MAK: variants seen among roughly 807,000 people sequenced by gnomAD.
The protein encoded by MAK is serine/threonine-protein kinase MAK.
Under a neutral mutation model 82.6 loss-of-function variants are expected in MAK, and 65 were observed. The observed-to-expected ratio is 0.79, with a 90% CI of 0.64 to 0.97. The LOEUF (loss-of-function observed/expected upper bound fraction) is 0.97. Among genes scored for constraint, MAK ranks in the 50% least tolerant of loss-of-function variants. The pLI, the probability that MAK is intolerant of heterozygous loss-of-function variation, is 0.00. For synonymous variants in MAK, 250 were observed against 274.2 expected (o/e 0.91, Z 0.87); for missense variants, 703 against 780.2 (o/e 0.90, Z 1.18).
intron 8 of MAK, chr6:10,797,599 T>A: frequency 2.0e-6 from 2 of 985,436 alleles, no homozygotes; most frequent in African/African-American, 1.7e-5. Context: ...AAAAATTCCC[T>A]TATTGGCATC....
intron 7 of MAK, among the ~76,000 whole-genome samples, chr6:10,803,060 C>T (rs1351898264): frequency 6.6e-6 from 1 of 152,166 alleles, no homozygotes; most frequent in Non-Finnish European, 1.5e-5. Context: ...TGGCCAGCCA[C>T]AGAATGAGCA....
intron 8 of MAK, chr6:10,797,907 G>A (rs1412195663): frequency 2.4e-6 from 3 of 1,269,172 alleles, no homozygotes; most frequent in Non-Finnish European, 3.1e-6. Flanking sequence ...AGTTTGTTAA[G>A]GGTTACTTGC....
chr6:10,796,426 AT>A, intron 8 of MAK, 117 bp from the exon 9 acceptor site: 1 of 803,176 alleles, frequency 1.2e-6, no homozygotes, highest in African/African-American at 1.7e-5. Context: ...AGCTTCAAAG[AT>A]TTAGAAAGCA....
At chr6:10,834,615 C>T (rs1779035822) in intron 1 of MAK, among the ~76,000 whole-genome samples, 1 of 152,164 alleles carries the variant, frequency 6.6e-6, no homozygotes, top group Non-Finnish European at 1.5e-5. Context: ...TGCTGACTAC[C>T]TGGAAAGTGA....
intron 2 of MAK, among the ~76,000 whole-genome samples, chr6:10,828,380 T>C (rs938825829): frequency 6.6e-6 from 1 of 152,098 alleles, no homozygotes; most frequent in African/African-American, 2.4e-5. Flanking sequence ...GGAATTGAGG[T>C]GCCTCTTGCC....
chr6:10,790,188 C>G (rs1774952285), intron 10 of MAK, among the ~76,000 whole-genome samples: 1 of 152,006 alleles, frequency 6.6e-6, no homozygotes, highest in African/African-American at 2.4e-5. Context: ...TCCTCCAGTT[C>G]ATGTATTTTT....
In MAK at chr6:10,791,763, A is replaced by G. The variant is rs762551107; in HGVS notation, c.1228T>C (p.Leu410=). 4 of 1,613,852 alleles carry G rather than the reference A, an allele frequency of 2.5e-6. No individual in the cohort carries two copies. Among genetic ancestry groups the G allele is most frequent in the South Asian group, 2.2e-5 (2 of 91,048 alleles). ...GAGGCTCCGAAATCATAGTCCTCCA[A>G]CTCTTCCCAGCTATCTCCAGACTTG... ...IFKSGDSWEE[L]EDYDFGASHS... Residue 410 remains leucine (L), a synonymous_variant, in exon 10 of 15, where the codon TTG becomes CTG. Coordinates refer to ENST00000354489, the MANE Select transcript of MAK (RefSeq NM_001242957.3).
intron 11 of MAK, among the ~76,000 whole-genome samples, chr6:10,782,204 A>T (rs112240397): frequency 0.024 from 6 of 246 alleles, no homozygotes; most frequent in African/African-American, 0.059. Flanking sequence ...AAACTCTGTC[A>T]CACACACACA....
rs1581790342 is a variant in MAK at position 10,837,470 on chromosome 6, T to C, written c.-230+1033A>G. Among the ~76,000 whole-genome samples, 2 of 152,194 alleles carry C rather than the reference T, an allele frequency of 1.3e-5. 1 individual carries two copies. ...CGGTGGCGCGGTTGGGGGAACTTTC[T>C]CCCTCCCGGTCAAGCCTCGGGAATT... On this transcript the variant is annotated intron_variant, in intron 1 of 14. Transcript: ENST00000354489.
At chr6:10,817,156 G>C (rs1257141909) in intron 4 of MAK, among the ~76,000 whole-genome samples, 1 of 151,936 alleles carries the variant, frequency 6.6e-6, no homozygotes, top group Non-Finnish European at 1.5e-5. Context: ...GTGTGTGTAA[G>C]AATCAAAGAG....
chr6:10,815,922 ATATATATATATATATATATATATATG>A (rs1777450857), intron 4 of MAK, among the ~76,000 whole-genome samples: 2 of 34,142 alleles, frequency 5.9e-5, no homozygotes, highest in Admixed American at 5.5e-4. Context: ...GTATATATAT[ATATATATATATATATATATATATATG>A]TATGTTTTCT....
At chr6:10,822,080 G>C (rs1471358143) in intron 2 of MAK, among the ~76,000 whole-genome samples, 5 of 147,718 alleles carry the variant, frequency 3.4e-5, no homozygotes, top group African/African-American at 1.0e-4. Flanking sequence ...TCGGGAGGCA[G>C]AGCTTGCAGT....
chr6:10,817,915 TTC>T lies in MAK; in HGVS notation c.211_212del (p.Glu71LysfsTer2). Reference sequence around the variant, plus strand: ...CAAATATAAAATAAAGATGGTCATTTTCTCTGATAACTTCTTTCAATTTAATA... The same window carrying T: ...CAAATATAAAATAAAGATGGTCATTTTCTGATAACTTCTTTCAATTTAATA... ...NVIKLKEVIR[E>X]NDHLYFIFEY... On this transcript the variant is annotated frameshift_variant, in exon 4 of 15. Coordinates refer to ENST00000354489, the MANE Select transcript of MAK (RefSeq NM_001242957.3). LOFTEE classifies it high-confidence loss of function. The T allele has an allele frequency of 7.0e-7, 1 of 1,423,216 alleles. No homozygotes were observed. The highest frequency in any genetic ancestry group is 9.8e-7 in the Non-Finnish European group (1 of 1,023,940). The allele number at this position is 1,423,216 out of a possible 1,614,324, so 88.2% of individuals were successfully genotyped here. A position where few individuals can be genotyped will look rare whatever the true frequency, so the allele number is the denominator to read the frequency against.
At chr6:10,781,021 T>C (rs1261275619) in intron 11 of MAK, among the ~76,000 whole-genome samples, 1 of 152,132 alleles carries the variant, frequency 6.6e-6, no homozygotes, top group Non-Finnish European at 1.5e-5. Flanking sequence ...CTTCCTAAGC[T>C]CTTCAGTCCC....
intron 4 of MAK, 29 bp downstream of exon 4, chr6:10,817,820 TA>T (rs747156578): frequency 6.9e-6 from 10 of 1,458,662 alleles, no homozygotes; most frequent in Admixed American, 3.6e-5. Flanking sequence ...ATGGAGAGAA[TA>T]ACAGGGAAAA....
chr6:10,796,425 G>C, intron 8 of MAK, 116 bp from the exon 9 acceptor site: 1 of 802,654 alleles, frequency 1.2e-6, no homozygotes, highest in Non-Finnish European at 2.1e-6. Context: ...GAGCTTCAAA[G>C]ATTTAGAAAG....
intron 3 of MAK, 65 bp downstream of exon 3, chr6:10,818,821 T>C (rs1777697674): frequency 1.2e-6 from 1 of 856,346 alleles, no homozygotes; most frequent in South Asian, 1.4e-5. Flanking sequence ...AATAAAATCA[T>C]CTTAACTACG....
At chr6:10,828,383 C>T (rs991277456) in intron 2 of MAK, among the ~76,000 whole-genome samples, 2 of 152,134 alleles carry the variant, frequency 1.3e-5, no homozygotes, top group African/African-American at 4.8e-5. Flanking sequence ...ATTGAGGTGC[C>T]TCTTGCCAAC....
chr6:10,767,704 G>A (rs553449869), intron 14 of MAK, among the ~76,000 whole-genome samples: 6 of 151,430 alleles, frequency 4.0e-5, no homozygotes, highest in African/African-American at 1.2e-4. Context: ...CAGGAGAATC[G>A]CTTGAACCCG....
Sources: gnomAD v4.1 joint callset for allele counts (sites outside exome capture counted in the v4.1 genomes callset) on GRCh38, gnomAD v4.1.1 for gene constraint, MANE v1.5 for transcripts, NCBI Gene and HGNC (gene_info 2026-07-23, HGNC 2026-07-21) for gene names.